The following ADAMTSL1 variants were observed in gnomAD, a reference collection of about 807,000 sequenced individuals.
The protein encoded by ADAMTSL1 is ADAMTS-like protein 1.
Under a neutral mutation model 201.8 loss-of-function variants are expected in ADAMTSL1, and 126 were observed. That is an observed-to-expected ratio of 0.62 (90% CI 0.54 to 0.72). The LOEUF (loss-of-function observed/expected upper bound fraction) is 0.72. Ranked by LOEUF, ADAMTSL1 falls within the 30% of genes least tolerant of loss-of-function variation. The pLI, the probability that ADAMTSL1 is intolerant of heterozygous loss-of-function variation, is 0.00. For synonymous variants in ADAMTSL1, 1,121 were observed against 903.4 expected (o/e 1.24, Z -4.32); for missense variants, 2,679 against 2,277.8 (o/e 1.18, Z -3.59).
chr9:18,351,812 C>G (rs1835976425), intron 2 of ADAMTSL1, among the ~76,000 whole-genome samples: 1 of 152,160 alleles, frequency 6.6e-6, no homozygotes, highest in South Asian at 2.1e-4. Flanking sequence ...TTGAAGCAAC[C>G]AATGTGGTAT....
chr9:18,859,326 T>C (rs1054218551), intron 23 of ADAMTSL1, among the ~76,000 whole-genome samples: 4 of 152,216 alleles, frequency 2.6e-5, no homozygotes, highest in Admixed American at 2.6e-4. Context: ...AATGGCAGCA[T>C]AGCATCTTCA....
chr9:18,499,561 A>AGT (rs1822722735), intron 1 of ADAMTSL1, among the ~76,000 whole-genome samples: 2 of 152,230 alleles, frequency 1.3e-5, no homozygotes, highest in Non-Finnish European at 2.9e-5. Flanking sequence ...GGCAGACCAC[A>AGT]GGAAAAATGG....
At chr9:18,039,138 A>C (rs1821331011) in intron 1 of ADAMTSL1, among the ~76,000 whole-genome samples, 1 of 152,204 alleles carries the variant, frequency 6.6e-6, no homozygotes, top group Non-Finnish European at 1.5e-5. Flanking sequence ...CATGACACTA[A>C]ATAGTTCAGG....
At chr9:18,716,344 A>C (rs1355641155) in intron 14 of ADAMTSL1, among the ~76,000 whole-genome samples, 4 of 151,656 alleles carry the variant, frequency 2.6e-5, no homozygotes, top group Non-Finnish European at 5.9e-5. Flanking sequence ...CTCATCTGAC[A>C]AAGGGCTAAT....
At chr9:18,267,903 G>A (rs1250191018) in intron 2 of ADAMTSL1, among the ~76,000 whole-genome samples, 2 of 151,604 alleles carry the variant, frequency 1.3e-5, no homozygotes, top group African/African-American at 4.9e-5. Flanking sequence ...ATTTTACTTT[G>A]CCTTCTAATT....
At position 18,622,369 on chromosome 9, in the gene ADAMTSL1, T is replaced by G; in HGVS notation, c.601T>G (p.Ser201Ala). 6.2e-7 allele frequency: 1 copy of G among 1,614,022 alleles called. No homozygotes were observed. Among genetic ancestry groups the G allele is most frequent in the Non-Finnish European group, 8.5e-7 (1 of 1,179,942 alleles). ...TAAATCCCAGCTCTCCGCAACCAAA[T>G]GTAAGACACACAGAGATGGGCGACC... ...QYKSQLSATK[S>A]DDTVVAIPYG... The change falls in exon 5 of 29, where the codon TCG becomes GCG. Residue 201 changes from serine to alanine, a missense_variant and splice_region_variant. Transcript: ENST00000380548.
At chr9:17,997,568 T>G (rs1169093865) in intron 1 of ADAMTSL1, among the ~76,000 whole-genome samples, 1 of 152,090 alleles carries the variant, frequency 6.6e-6, no homozygotes, top group African/African-American at 2.4e-5. Flanking sequence ...CAAATATCTA[T>G]GTGAAAATAA....
At chr9:18,745,027 C>T (rs1819053675) in intron 15 of ADAMTSL1, among the ~76,000 whole-genome samples, 1 of 152,156 alleles carries the variant, frequency 6.6e-6, no homozygotes, top group African/African-American at 2.4e-5. Context: ...ACTCTTATCA[C>T]TTGGTTAAGA....
intron 1 of ADAMTSL1, among the ~76,000 whole-genome samples, chr9:18,047,113 T>C (rs1821693744): frequency 6.6e-6 from 1 of 152,082 alleles, no homozygotes. Context: ...ATTCAGGAGA[T>C]GTTACTACAG....
chr9:18,393,053 C>G (rs976099861), intron 2 of ADAMTSL1, among the ~76,000 whole-genome samples: 1 of 152,084 alleles, frequency 6.6e-6, no homozygotes, highest in African/African-American at 2.4e-5. Flanking sequence ...TCTTAGAGTG[C>G]TTATTGACCA....
At chr9:18,524,140 C>G (rs899250595) in intron 2 of ADAMTSL1, among the ~76,000 whole-genome samples, 2 of 151,930 alleles carry the variant, frequency 1.3e-5, no homozygotes, top group African/African-American at 4.8e-5. Context: ...TATAGTTCTC[C>G]TTGAAGAGGT....
rs181216424 is a variant in ADAMTSL1 at position 18,567,763 on chromosome 9, A to G, written c.238-6267A>G. 4.7e-3 allele frequency among the ~76,000 whole-genome samples: 712 copies of G among 152,334 alleles called. 3 individuals are homozygous for G. The highest frequency in any genetic ancestry group is 0.02 in the Middle Eastern group (6 of 294). ...ATACACACATACAATGCATGTATCT[A>G]TGTACTTATGTAAGAAAATATAGAT... On this transcript the variant is annotated intron_variant, in intron 3 of 28. Transcript: ENST00000380548.
At chr9:18,272,403 T>C (rs1432772964) in intron 2 of ADAMTSL1, among the ~76,000 whole-genome samples, 2 of 152,206 alleles carry the variant, frequency 1.3e-5, no homozygotes, top group Non-Finnish European at 2.9e-5. Flanking sequence ...TGGCTAGCTA[T>C]ACGTAGAAAG....
At position 18,890,737 on chromosome 9, in the gene ADAMTSL1, C is replaced by T. The variant is rs1248750894; in HGVS notation, c.4643+989C>T. On this transcript the variant is annotated intron_variant, in intron 25 of 28. Transcript: ENST00000380548. ...CTTTCTCAAACCCCCCCCACCCCAG[C>T]TCCTGAAAAATTGCTGAAACGTATA... The T allele has an allele frequency of 2.0e-5, 7 of 351,534 alleles. No individual in the cohort carries two copies. In the East Asian group the frequency reaches 5.6e-4, roughly 28 times the overall value. The allele number at this position is 351,534 out of a possible 1,614,324, so 21.8% of individuals were successfully genotyped here. A position where few individuals can be genotyped will look rare whatever the true frequency, so the allele number is the denominator to read the frequency against.
intron 2 of ADAMTSL1, among the ~76,000 whole-genome samples, chr9:18,283,636 G>A (rs1447879678): frequency 3.2e-4 from 47 of 144,848 alleles, no homozygotes; most frequent in Non-Finnish European, 6.2e-4. Flanking sequence ...AAAAAGGCTG[G>A]GTGCAGTGGC....
chr9:18,526,999 G>A (rs1819110952), intron 2 of ADAMTSL1, among the ~76,000 whole-genome samples: 1 of 152,150 alleles, frequency 6.6e-6, no homozygotes, highest in Non-Finnish European at 1.5e-5. Context: ...AGATAGGCTT[G>A]TATTCACAGT....
intron 1 of ADAMTSL1, among the ~76,000 whole-genome samples, chr9:18,483,437 A>G (rs969428290): frequency 6.6e-6 from 1 of 152,122 alleles, no homozygotes; most frequent in Non-Finnish European, 1.5e-5. Flanking sequence ...AACAGCCATC[A>G]TGCTGGCTTT....
chr9:18,625,420 A>T (rs146810773), intron 5 of ADAMTSL1, among the ~76,000 whole-genome samples: 94 of 152,248 alleles, frequency 6.2e-4, no homozygotes, highest in African/African-American at 2.1e-3. Context: ...GGTGATTTTT[A>T]AAAAATCATC....
chr9:18,791,134 G>GT (rs1822011129), intron 19 of ADAMTSL1, among the ~76,000 whole-genome samples: 1 of 152,132 alleles, frequency 6.6e-6, no homozygotes, highest in African/African-American at 2.4e-5. Context: ...CAAAGAAAAT[G>GT]TTTTTTTCCA....
Sources: allele counts gnomAD v4.1 joint callset (sites outside exome capture counted in the v4.1 genomes callset), GRCh38; gene constraint gnomAD v4.1.1; transcripts MANE v1.5; gene names NCBI Gene and HGNC (gene_info 2026-07-23, HGNC 2026-07-21).